The following PLEKHS1 variants were observed in gnomAD, a reference collection of about 807,000 sequenced individuals.
The protein encoded by PLEKHS1 is pleckstrin homology domain containing S1.
Under a neutral mutation model 51.0 loss-of-function variants are expected in PLEKHS1, and 55 were observed. That is an observed-to-expected ratio of 1.08 (90% confidence interval 0.87 to 1.35). PLEKHS1 has a LOEUF of 1.35. Ranked by LOEUF, PLEKHS1 falls within the 40% of genes most tolerant of loss-of-function variation. PLEKHS1 has a pLI of 0.00. For missense variants in PLEKHS1, 398 were observed against 423.0 expected, an observed-to-expected ratio of 0.94 and a Z score of 0.52; for synonymous variants, 153 against 144.8, an observed-to-expected ratio of 1.06 and a Z score of -0.41.
intron 10 of PLEKHS1, 29 bp downstream of exon 10, chr10:113,775,064 G>A (rs1564826917): frequency 2.5e-6 from 4 of 1,577,496 alleles, no homozygotes; most frequent in Non-Finnish European, 2.6e-6. Context: ...AAACTTGATG[G>A]GCCCTAAGAG....
chr10:113,764,994 C>T (rs565977531), intron 2 of PLEKHS1: 158 of 167,430 alleles, frequency 9.4e-4, no homozygotes, highest in Admixed American at 2.3e-3. Flanking sequence ...GTGATAATAA[C>T]TGCTTTAATT....
chr10:113,774,263 T>C, exon 9 of PLEKHS1: 5 of 1,602,724 alleles, frequency 3.1e-6, no homozygotes, highest in Non-Finnish European at 4.2e-6. Flanking sequence ...TTCTGGTGAA[T>C]CCATTGAAAC....
chr10:113,767,299 T>C (rs958131264), intron 4 of PLEKHS1, 46 bp from the exon 5 acceptor site: 1 of 1,397,246 alleles, frequency 7.2e-7, no homozygotes, highest in Non-Finnish European at 9.6e-7. Flanking sequence ...TAGTTTTCTA[T>C]TTCTGTATTT....
intron 2 of PLEKHS1, among the ~76,000 whole-genome samples, chr10:113,759,917 A>G (rs1296211433): frequency 1.3e-5 from 2 of 152,226 alleles, no homozygotes; most frequent in Non-Finnish European, 1.5e-5. Flanking sequence ...CTACAATTTA[A>G]TAAGTTTTGG....
chr10:113,771,455 C>T (rs370602729), intron 7 of PLEKHS1, among the ~76,000 whole-genome samples: 1 of 151,830 alleles, frequency 6.6e-6, no homozygotes, highest in Non-Finnish European at 1.5e-5. Context: ...GGGTGGATCA[C>T]GAGGTCAGGA....
Position 113,774,823 on chromosome 10 carries a change from T to C in PLEKHS1, c.780-3T>C, listed in dbSNP as rs765243289. The C allele has an allele frequency of 3.1e-6, 5 of 1,612,866 alleles. No homozygotes were observed. The highest frequency in any genetic ancestry group is 8.5e-7 in the Non-Finnish European group (1 of 1,178,932). On this transcript the variant is annotated splice_polypyrimidine_tract_variant and splice_region_variant and intron_variant, in intron 9 of 11. Coordinates refer to ENST00000361048, the Ensembl canonical transcript of PLEKHS1. The stretch of plus-strand genomic sequence containing the variant: ...GGGCTTGTTTTAACTTCTTATGCTC[T>C]AGTTTTTTCAAAGAGACATCCCATG...
At chr10:113,766,814 A>C (rs914126878) in intron 4 of PLEKHS1, 96 bp downstream of exon 4, 1 of 916,774 alleles carries the variant, frequency 1.1e-6, no homozygotes, top group African/African-American at 1.7e-5. Context: ...TAATTGACCA[A>C]AGGAACCTGC....
intron 11 of PLEKHS1, among the ~76,000 whole-genome samples, chr10:113,778,746 C>G (rs1844777096): frequency 6.6e-6 from 1 of 151,240 alleles, no homozygotes; most frequent in Admixed American, 6.6e-5. Context: ...CGGGTTCACA[C>G]CATTCTCCTG....
At chr10:113,751,954 A>G (rs939621600) in intron 1 of PLEKHS1, among the ~76,000 whole-genome samples, 193 bp downstream of exon 1, 2 of 152,234 alleles carry the variant, frequency 1.3e-5, no homozygotes, top group African/African-American at 2.4e-5. Flanking sequence ...ACCTCTTGGT[A>G]TACTGTATTC....
intron 1 of PLEKHS1, 102 bp from the exon 2 acceptor site, chr10:113,755,157 C>T: frequency 1.6e-5 from 21 of 1,307,560 alleles, no homozygotes; most frequent in Non-Finnish European, 2.1e-5. Context: ...ATCTCAGCAA[C>T]ATTCGTGAGC....
At chr10:113,766,558 T>C in intron 3 of PLEKHS1, 54 bp from the exon 4 acceptor site, 2 of 1,587,568 alleles carry the variant, frequency 1.3e-6, no homozygotes, top group Non-Finnish European at 1.7e-6. Context: ...TTTTTAAAAA[T>C]CATTTCTTTT....
chr10:113,781,703 CAAACCCCTCTTTCCCAAACACCT>C (rs1844875250), exon 12 of PLEKHS1: 1 of 111,426 alleles, frequency 9.0e-6, no homozygotes, highest in Non-Finnish European at 2.0e-5. Flanking sequence ...ACCTCCTTCC[CAAACCCCTCTTTCCCAAACACCT>C]CCTTCCCCAA....
At chr10:113,759,836 A>G (rs1843838229) in intron 2 of PLEKHS1, among the ~76,000 whole-genome samples, 1 of 152,176 alleles carries the variant, frequency 6.6e-6, no homozygotes, top group Non-Finnish European at 1.5e-5. Flanking sequence ...CTTTTCATTC[A>G]AATTTGTTAG....
intron 2 of PLEKHS1, among the ~76,000 whole-genome samples, chr10:113,762,365 C>CTTTTTTTTTTTTTTTTTTTTTTTCT (rs34457408): frequency 3.2e-5 from 2 of 61,770 alleles, no homozygotes; most frequent in Non-Finnish European, 6.0e-5. Flanking sequence ...AGATTTGTTC[C>CTTTTTTTTTTTTTTTTTTTTTTTCT]TTTTTTTTTT....
intron 2 of PLEKHS1, among the ~76,000 whole-genome samples, chr10:113,760,343 T>C (rs187637948): frequency 6.6e-6 from 1 of 152,318 alleles, no homozygotes; most frequent in East Asian, 1.9e-4. Context: ...CTTTTGTATT[T>C]GTATATTCCT....
chr10:113,753,790 C>T (rs199677507), intron 1 of PLEKHS1, among the ~76,000 whole-genome samples: 3 of 142,384 alleles, frequency 2.1e-5, no homozygotes, highest in African/African-American at 2.6e-5. Context: ...TCTCTGAACA[C>T]ATATATATAT....
chr10:113,755,151 C>T, intron 1 of PLEKHS1, 108 bp from the exon 2 acceptor site: 4 of 1,253,666 alleles, frequency 3.2e-6, no homozygotes, highest in Non-Finnish European at 4.3e-6. Flanking sequence ...CAACCCATCT[C>T]AGCAACATTC....
chr10:113,770,994 T>G (rs1844377271), intron 7 of PLEKHS1, among the ~76,000 whole-genome samples: 1 of 152,220 alleles, frequency 6.6e-6, no homozygotes, highest in Non-Finnish European at 1.5e-5. Flanking sequence ...TAAACACACC[T>G]GTATTTTAAA....
chr10:113,780,725 G>A (rs1448244742), exon 12 of PLEKHS1: 2 of 1,605,608 alleles, frequency 1.2e-6, no homozygotes, highest in Non-Finnish European at 1.7e-6. Context: ...ACTGAACAGA[G>A]CTCCCAAGAG....
Sources: gnomAD v4.1 joint callset for allele counts (sites outside exome capture counted in the v4.1 genomes callset) on GRCh38, gnomAD v4.1.1 for gene constraint, MANE v1.5 for transcripts, NCBI Gene and HGNC (gene_info 2026-07-23, HGNC 2026-07-21) for gene names.